The following OR4E2 variants were observed in gnomAD, a reference collection of about 807,000 sequenced individuals.
OR4E2 encodes the protein olfactory receptor 4E2.
In OR4E2, 9 loss-of-function variants were observed where a neutral mutation model predicts 11.0. That is an observed-to-expected ratio of 0.82 (90% confidence interval 0.49 to 1.43). The LOEUF (loss-of-function observed/expected upper bound fraction) is 1.43. Ranked by LOEUF, OR4E2 falls within the 40% of genes most tolerant of loss-of-function variation. The probability of loss-of-function intolerance (pLI) is 0.00; values close to 1 mark genes in which losing one functional copy is unlikely to be tolerated. For missense variants in OR4E2, 441 were observed against 382.0 expected, an observed-to-expected ratio of 1.15 and a Z score of -1.29; for synonymous variants, 159 against 147.3, an observed-to-expected ratio of 1.08 and a Z score of -0.57.
chr14:21,664,366 T>C (rs1880507263), intron 3 of OR4E2, among the ~76,000 whole-genome samples: 1 of 152,230 alleles, frequency 6.6e-6, no homozygotes, highest in Admixed American at 6.5e-5. Flanking sequence ...CTTTTTTTCC[T>C]GTTTGTTGGC....
At chr14:21,654,747 T>TGAGAGAGAGAGAGAGA (rs34453088) in intron 1 of OR4E2, among the ~76,000 whole-genome samples, 11 of 146,434 alleles carry the variant, frequency 7.5e-5, no homozygotes, top group African/African-American at 2.5e-4. Context: ...ATATATAAAA[T>TGAGAGAGAGAGAGAGA]GAGAGAGAGA....
intron 2 of OR4E2, among the ~76,000 whole-genome samples, chr14:21,659,116 G>A (rs1880174633): frequency 6.6e-6 from 1 of 151,914 alleles, no homozygotes; most frequent in Admixed American, 6.6e-5. Context: ...GCTCACTGCA[G>A]CCTCAAACTC....
Position 21,660,644 on chromosome 14 carries a change from T to G in OR4E2, c.-102-9T>G, listed in dbSNP as rs1001567085. The G allele has an allele frequency of 6.6e-6, 1 of 152,106 alleles. No homozygotes were observed. The highest frequency in any genetic ancestry group is 1.5e-5 in the Non-Finnish European group (1 of 68,014). 9.4% of individuals were successfully genotyped at this position (152,106 alleles called of 1,614,324 possible). ...TTAATCTGATCTATTTTTTTTTTTTTTTTTAAAGATGGCATCTCGCTGTGC... is the reference window on the plus strand; with the variant it reads ...TTAATCTGATCTATTTTTTTTTTTTGTTTTAAAGATGGCATCTCGCTGTGC... On this transcript the variant is annotated splice_polypyrimidine_tract_variant and intron_variant, in intron 2 of 3. Coordinates refer to ENST00000641524, the MANE Select transcript of OR4E2 (RefSeq NM_001001912.3).
In OR4E2 at chr14:21,667,002, T is replaced by A. The variant is rs1460609232; in HGVS notation, c.*978T>A. The A allele has an allele frequency of 2.0e-5, 3 of 152,134 alleles. No individual in the cohort carries two copies. Among genetic ancestry groups the A allele is most frequent in the Non-Finnish European group, 4.4e-5 (3 of 68,032 alleles). 9.4% of individuals were successfully genotyped at this position (152,134 alleles called of 1,614,324 possible). On this transcript the variant is annotated 3_prime_UTR_variant, in exon 4 of 4. Coordinates refer to ENST00000641524, the MANE Select transcript of OR4E2 (RefSeq NM_001001912.3). ...TGAAGTATATCAGTTTATTGTGGAA[T>A]GGGCAAGTCCATATGAAGAGGGATC...
intron 3 of OR4E2, among the ~76,000 whole-genome samples, chr14:21,664,653 A>C (rs766400988): frequency 2.6e-5 from 4 of 152,232 alleles, no homozygotes; most frequent in African/African-American, 4.8e-5. Context: ...GAAAATGTGC[A>C]GCAGACTGTT....
Position 21,666,131 on chromosome 14 carries a change from T to G in OR4E2, c.*107T>G, listed in dbSNP as rs745789927. 11 of 744,640 alleles carry G rather than the reference T, an allele frequency of 1.5e-5. No homozygotes were observed. The highest frequency in any genetic ancestry group is 2.2e-5 in the Non-Finnish European group (10 of 448,612). The allele number at this position is 744,640 out of a possible 1,614,324, so 46.1% of individuals were successfully genotyped here. On this transcript the variant is annotated 3_prime_UTR_variant, in exon 4 of 4. Transcript: ENST00000641524. ...ACTTGGTAAATTAGGTAAAATGGCA[T>G]AGAGCAGGTCAGATTTCTGCTCATT...
chr14:21,654,671 C>T (rs1308737829), intron 1 of OR4E2, among the ~76,000 whole-genome samples: 4 of 151,868 alleles, frequency 2.6e-5, no homozygotes, highest in South Asian at 4.2e-4. Context: ...GAAAAAAAAT[C>T]TGCGTATAAG....
intron 2 of OR4E2, among the ~76,000 whole-genome samples, chr14:21,659,375 G>T (rs1360391058): frequency 3.3e-5 from 5 of 152,186 alleles, no homozygotes; most frequent in Admixed American, 2.6e-4. Context: ...TAAGTATTCA[G>T]TGAGTTCTTC....
intron 2 of OR4E2, among the ~76,000 whole-genome samples, chr14:21,658,819 T>A (rs1176577442): frequency 5.9e-5 from 9 of 151,876 alleles, no homozygotes; most frequent in Non-Finnish European, 8.8e-5. Flanking sequence ...TTTTTTTTTT[T>A]AAATGAAGAA....
intron 3 of OR4E2, among the ~76,000 whole-genome samples, chr14:21,661,429 C>T (rs1290516179): frequency 6.6e-6 from 1 of 152,180 alleles, no homozygotes; most frequent in African/African-American, 2.4e-5. Flanking sequence ...TCACTCCCTG[C>T]CTTCTTTCCT....
At chr14:21,658,377 G>A (rs945750514) in intron 2 of OR4E2, among the ~76,000 whole-genome samples, 1 of 152,178 alleles carries the variant, frequency 6.6e-6, no homozygotes, top group Non-Finnish European at 1.5e-5. Flanking sequence ...ATCTAAGCAA[G>A]ACCTTGGAAG....
chr14:21,661,814 T>A (rs956423805), intron 3 of OR4E2, among the ~76,000 whole-genome samples: 3 of 152,248 alleles, frequency 2.0e-5, no homozygotes, highest in Non-Finnish European at 4.4e-5. Context: ...CAGTATGTTA[T>A]TCTACTAAAA....
At chr14:21,657,440 T>TTCC (rs1880042790) in intron 2 of OR4E2, among the ~76,000 whole-genome samples, 15 of 76,284 alleles carry the variant, frequency 2.0e-4, no homozygotes, top group African/African-American at 6.5e-4. Context: ...TTCTTCTTTC[T>TTCC]TTCCTTCCTT....
rs1208551024 is a variant in OR4E2, at chr14:21,667,557, T to C, written c.*1533T>C. 1 of 152,184 alleles carries C rather than the reference T, an allele frequency of 6.6e-6. No homozygotes were observed. The highest frequency in any genetic ancestry group is 2.1e-4 in the South Asian group (1 of 4,832). 9.4% of individuals were successfully genotyped at this position (152,184 alleles called of 1,614,324 possible). On this transcript the variant is annotated 3_prime_UTR_variant, in exon 4 of 4. Coordinates refer to ENST00000641524, the MANE Select transcript of OR4E2 (RefSeq NM_001001912.3). ...TAATTCTCATATAAAACTTGAGTCATAGTAAGAGTTTTAGATATCTATGAT... is the reference window on the plus strand; with the variant it reads ...TAATTCTCATATAAAACTTGAGTCACAGTAAGAGTTTTAGATATCTATGAT...
intron 3 of OR4E2, among the ~76,000 whole-genome samples, chr14:21,661,337 C>A (rs1226634150): frequency 6.6e-6 from 1 of 152,098 alleles, no homozygotes; most frequent in African/African-American, 2.4e-5. Context: ...TACATATATG[C>A]GTAAATATAT....
chr14:21,662,717 C>T (rs1415420081), intron 3 of OR4E2, among the ~76,000 whole-genome samples: 5 of 152,080 alleles, frequency 3.3e-5, no homozygotes, highest in Non-Finnish European at 5.9e-5. Context: ...CTAATGTAAG[C>T]CCCATGACAT....
chr14:21,656,281 G>A (rs1269832848), intron 1 of OR4E2, among the ~76,000 whole-genome samples: 1 of 151,950 alleles, frequency 6.6e-6, no homozygotes, highest in Non-Finnish European at 1.5e-5. Flanking sequence ...AATCGCATAA[G>A]CCCAGGAAGT....
At chr14:21,662,307 A>C (rs1880372005) in intron 3 of OR4E2, among the ~76,000 whole-genome samples, 1 of 151,086 alleles carries the variant, frequency 6.6e-6, no homozygotes, top group African/African-American at 2.4e-5. Flanking sequence ...TATTATTATT[A>C]TTTTTTTCAG....
intron 2 of OR4E2, among the ~76,000 whole-genome samples, chr14:21,659,198 G>T (rs1164919405): frequency 6.6e-6 from 1 of 151,894 alleles, no homozygotes; most frequent in Non-Finnish European, 1.5e-5. Context: ...ACCACACTCA[G>T]CTAATTTTAA....
Sources: allele counts gnomAD v4.1 joint callset (sites outside exome capture counted in the v4.1 genomes callset), GRCh38; gene constraint gnomAD v4.1.1; transcripts MANE v1.5; gene names NCBI Gene and HGNC (gene_info 2026-07-23, HGNC 2026-07-21).